PPCDC: variants seen among roughly 807,000 people sequenced by gnomAD.
PPCDC encodes phosphopantothenoylcysteine decarboxylase.
Under a neutral mutation model 20.7 loss-of-function variants are expected in PPCDC, and 20 were observed. The observed-to-expected ratio is 0.97, with a 90% confidence interval of 0.68 to 1.41. The LOEUF is 1.41. PPCDC is among the 40% of genes most tolerant of loss of function. The probability of loss-of-function intolerance (pLI) is 0.00; values close to 1 mark genes in which losing one functional copy is unlikely to be tolerated. For synonymous variants in PPCDC, 88 were observed against 100.3 expected (o/e 0.88, Z 0.73); for missense variants, 246 against 263.8 (o/e 0.93, Z 0.47).
intron 2 of PPCDC, among the ~76,000 whole-genome samples, chr15:75,035,585 A>G (rs2066075147): frequency 6.6e-6 from 1 of 152,212 alleles, no homozygotes; most frequent in Admixed American, 6.5e-5. Context: ...ATGCTAGATA[A>G]AATGCAGGCA....
intron 2 of PPCDC, among the ~76,000 whole-genome samples, chr15:75,032,960 T>A (rs1199050814): frequency 6.6e-6 from 1 of 152,006 alleles, no homozygotes; most frequent in East Asian, 1.9e-4. Context: ...CATCACACTC[T>A]GCTAATTTTT....
At chr15:75,045,678 A>T (rs1242310981) in intron 4 of PPCDC, among the ~76,000 whole-genome samples, 1 of 152,152 alleles carries the variant, frequency 6.6e-6, no homozygotes, top group Non-Finnish European at 1.5e-5. Flanking sequence ...TGAGCAGAAG[A>T]ACAACTTGTG....
intron 2 of PPCDC, among the ~76,000 whole-genome samples, chr15:75,040,249 T>C (rs2066136848): frequency 6.6e-6 from 1 of 152,198 alleles, no homozygotes; most frequent in South Asian, 2.1e-4. Context: ...TGCTGGCTAA[T>C]TTTTTTGTAT....
At chr15:75,024,561 C>T (rs1335356658) in intron 1 of PPCDC, among the ~76,000 whole-genome samples, 1 of 152,064 alleles carries the variant, frequency 6.6e-6, no homozygotes, top group Non-Finnish European at 1.5e-5. Flanking sequence ...CACCATGTTG[C>T]CCAGGCTGGT....
intron 4 of PPCDC, among the ~76,000 whole-genome samples, chr15:75,046,261 A>G (rs1280529566): frequency 6.6e-6 from 1 of 152,244 alleles, no homozygotes; most frequent in Non-Finnish European, 1.5e-5. Flanking sequence ...CACAACTGAC[A>G]TGGCAGCTGC....
At chr15:75,027,857 A>G (rs1032373128) in intron 1 of PPCDC, among the ~76,000 whole-genome samples, 6 of 152,068 alleles carry the variant, frequency 3.9e-5, no homozygotes, top group Non-Finnish European at 8.8e-5. Flanking sequence ...CCTGTTCCCC[A>G]ACCTGCCACC....
At chr15:75,040,319 C>T (rs1269731399) in intron 2 of PPCDC, among the ~76,000 whole-genome samples, 2 of 151,848 alleles carry the variant, frequency 1.3e-5, no homozygotes, top group Admixed American at 1.3e-4. Context: ...CTCAAGCAAT[C>T]TGCCTGCCTC....
intron 2 of PPCDC, among the ~76,000 whole-genome samples, chr15:75,031,484 C>T (rs767189413): frequency 7.2e-5 from 11 of 151,920 alleles, no homozygotes; most frequent in African/African-American, 1.9e-4. Context: ...CTGAGGCGGG[C>T]GGATCACTTG....
chr15:75,024,509 G>C (rs970867598), intron 1 of PPCDC, among the ~76,000 whole-genome samples: 2 of 151,454 alleles, frequency 1.3e-5, no homozygotes, highest in Admixed American at 6.6e-5. Context: ...AACCATACCC[G>C]GCTAATTTTT....
At chr15:75,034,122 A>G (rs926168732) in intron 2 of PPCDC, among the ~76,000 whole-genome samples, 3 of 152,148 alleles carry the variant, frequency 2.0e-5, no homozygotes, top group African/African-American at 7.2e-5. Flanking sequence ...ATGGGTCATA[A>G]GGGGAAACCA....
chr15:75,048,603 G>T lies in PPCDC; in HGVS notation c.411G>T (p.Pro137=). ...GCAGCAAGCCCCTGCTCTTCTGCCC[G>T]GCCATGAACACCGCCATGTGGGAGC... ...WDRSKPLLFC[P]AMNTAMWEHP... Residue 137 remains proline (P), a synonymous_variant, in exon 5 of 6, where the codon CCG becomes CCT. Transcript: ENST00000342932. 1 of 1,614,198 alleles carries T rather than the reference G, an allele frequency of 6.2e-7. No individual in the cohort carries two copies. Among genetic ancestry groups the T allele is most frequent in the African/African-American group, 1.3e-5 (1 of 75,060 alleles).
intron 5 of PPCDC, 92 bp downstream of exon 5, chr15:75,048,813 C>T: frequency 1.4e-6 from 2 of 1,414,408 alleles, no homozygotes; most frequent in Non-Finnish European, 1.9e-6. Context: ...TGTTAATGAC[C>T]TTAGCAAACC....
At chr15:75,031,095 T>C (rs1287639904) in intron 2 of PPCDC, among the ~76,000 whole-genome samples, 1 of 152,062 alleles carries the variant, frequency 6.6e-6, no homozygotes, top group Non-Finnish European at 1.5e-5. Context: ...TGGCCATAAT[T>C]TTCTTATCCA....
At chr15:75,024,555 A>G (rs530576535) in intron 1 of PPCDC, among the ~76,000 whole-genome samples, 4 of 152,110 alleles carry the variant, frequency 2.6e-5, no homozygotes, top group Non-Finnish European at 4.4e-5. Context: ...GGGTCTCACC[A>G]TGTTGCCCAG....
chr15:75,030,745 T>G (rs1307488024), intron 2 of PPCDC, among the ~76,000 whole-genome samples: 1 of 152,162 alleles, frequency 6.6e-6, no homozygotes, highest in Non-Finnish European at 1.5e-5. Context: ...TTCCGGAACT[T>G]CCTTAGGTAC....
At chr15:75,028,047 A>G (rs1055895391) in intron 1 of PPCDC, 200 bp from the exon 2 acceptor site, 3 of 446,584 alleles carry the variant, frequency 6.7e-6, no homozygotes, top group South Asian at 2.9e-5. Context: ...GCCCTTCCCC[A>G]CAGCACTGCA....
chr15:75,041,641 A>C (rs2066153461), intron 2 of PPCDC, among the ~76,000 whole-genome samples: 1 of 152,088 alleles, frequency 6.6e-6, no homozygotes, highest in Admixed American at 6.5e-5. Context: ...ATAAATAAAT[A>C]AGTGATGGAC....
At chr15:75,037,884 G>A (rs955260505) in intron 2 of PPCDC, among the ~76,000 whole-genome samples, 5 of 152,130 alleles carry the variant, frequency 3.3e-5, no homozygotes, top group Non-Finnish European at 7.3e-5. Flanking sequence ...GTTCTCTCCT[G>A]GGGTGCTAGG....
At position 75,049,261 on chromosome 15, in the gene PPCDC, C is replaced by G. The variant is rs1483473529; in HGVS notation, c.*26C>G. 42 of 1,604,486 alleles carry G rather than the reference C, an allele frequency of 2.6e-5. No individual in the cohort carries two copies. Among genetic ancestry groups the G allele is most frequent in the Non-Finnish European group, 3.2e-5 (37 of 1,171,446 alleles). On this transcript the variant is annotated 3_prime_UTR_variant, in exon 6 of 6. Coordinates refer to ENST00000342932, the MANE Select transcript of PPCDC (RefSeq NM_021823.5). Reference sequence around the variant, plus strand: ...CCTGGGATTTCTGTCATGGGTGTCCCTCTGTACTCAGAATGGGTTCAGGCC... The same window carrying G: ...CCTGGGATTTCTGTCATGGGTGTCCGTCTGTACTCAGAATGGGTTCAGGCC...
Sources: gnomAD v4.1 joint callset for allele counts (sites outside exome capture counted in the v4.1 genomes callset) on GRCh38, gnomAD v4.1.1 for gene constraint, MANE v1.5 for transcripts, NCBI Gene and HGNC (gene_info 2026-07-23, HGNC 2026-07-21) for gene names.